The following SPAST variants were observed in gnomAD, a reference collection of about 807,000 sequenced individuals.
SPAST encodes the protein spastic paraplegia 4 (autosomal dominant; spastin).
SPAST carries 30 observed loss-of-function variants against 76.6 expected under a neutral mutation model. That is an observed-to-expected ratio of 0.39 (90% CI 0.29 to 0.53). The LOEUF is 0.53. Among genes scored for constraint, SPAST ranks in the 20% least tolerant of loss-of-function variants. SPAST has a pLI of 0.68. For missense variants in SPAST, 717 were observed against 770.5 expected, an observed-to-expected ratio of 0.93 and a Z score of 0.82; for synonymous variants, 305 against 281.0, an observed-to-expected ratio of 1.09 and a Z score of -0.86.
intron 9 of SPAST, among the ~76,000 whole-genome samples, chr2:32,131,713 A>C (rs1573147808): frequency 8.9e-6 from 1 of 112,818 alleles, no homozygotes; most frequent in African/African-American, 3.5e-5. Flanking sequence ...CTTGCTCTGG[A>C]GTGCAGTGGC....
At chr2:32,132,763 C>A (rs988525472) in intron 9 of SPAST, among the ~76,000 whole-genome samples, 5 of 152,150 alleles carry the variant, frequency 3.3e-5, no homozygotes, top group Non-Finnish European at 7.4e-5. Flanking sequence ...GATCCCAGCA[C>A]TTTGGGAGGC....
chr2:32,154,438 C>T lies in SPAST; in HGVS notation c.1793C>T (p.Pro598Leu). ...AAAAAAATAAAACGCAGCGTCAGCC[C>T]TCAAACTTTAGAAGCGTACATACGT... ...SLKKIKRSVS[P>L]QTLEAYIRWN... The change falls in exon 17 of 17, where the codon CCT (proline) becomes CTT (leucine). Residue 598 changes from proline (P) to leucine (L), a missense_variant. Transcript: ENST00000315285. 6.2e-7 allele frequency: 1 copy of T among 1,613,228 alleles called. No homozygotes were observed. Among genetic ancestry groups the T allele is most frequent in the Non-Finnish European group, 8.5e-7 (1 of 1,179,266 alleles).
chr2:32,140,691 C>G (rs1679687411), intron 12 of SPAST, among the ~76,000 whole-genome samples: 1 of 151,838 alleles, frequency 6.6e-6, no homozygotes, highest in Admixed American at 6.6e-5. Flanking sequence ...TTTGGGAGGC[C>G]AGATCACTTG....
intron 3 of SPAST, 39 bp from the exon 4 acceptor site, chr2:32,098,752 CTTTTT>C: frequency 7.9e-7 from 1 of 1,264,892 alleles, no homozygotes; most frequent in Non-Finnish European, 1.2e-6. Flanking sequence ...TATCTTTTTT[CTTTTT>C]GTTTATTTTT....
At chr2:32,152,374 C>T (rs1253721070) in intron 16 of SPAST, among the ~76,000 whole-genome samples, 1 of 152,008 alleles carries the variant, frequency 6.6e-6, no homozygotes, top group Non-Finnish European at 1.5e-5. Flanking sequence ...TCGAGACCAG[C>T]CTGGATAACA....
chr2:32,126,742 C>G (rs1679207225), intron 7 of SPAST: 1 of 518,764 alleles, frequency 1.9e-6, no homozygotes, highest in Admixed American at 3.3e-5. Flanking sequence ...CTGTCTTTGC[C>G]CCCTAAAGTC....
chr2:32,099,417 T>G (rs1678037001), intron 4 of SPAST, among the ~76,000 whole-genome samples: 1 of 152,192 alleles, frequency 6.6e-6, no homozygotes, highest in South Asian at 2.1e-4. Context: ...CATAAACTTT[T>G]GGATATCAAC....
At position 32,143,191 on chromosome 2, in the gene SPAST, C is replaced by T. The variant is rs986104745; in HGVS notation, c.1537-145C>T. The T allele has an allele frequency of 5.4e-6, 3 of 559,056 alleles. No individual in the cohort carries two copies. The African/African-American group carries it at 5.7e-5, about 11-fold the overall frequency. The allele number at this position is 559,056 out of a possible 1,614,324, so 34.6% of individuals were successfully genotyped here. Reference sequence around the variant, plus strand: ...GCTGAGATGGGAGGATTGCTTGAACCCAGGATATCGAGGCTATAGTGAGCT... The same window carrying T: ...GCTGAGATGGGAGGATTGCTTGAACTCAGGATATCGAGGCTATAGTGAGCT... On this transcript the variant is annotated intron_variant, in intron 13 of 16. Transcript: ENST00000315285.
intron 9 of SPAST, among the ~76,000 whole-genome samples, chr2:32,134,216 T>TG (rs1019812283): frequency 2.0e-5 from 3 of 151,816 alleles, no homozygotes; most frequent in Admixed American, 2.0e-4. Context: ...TAAAAAATTC[T>TG]GGGGGGCCGA....
At chr2:32,100,631 C>T (rs894283892) in intron 4 of SPAST, among the ~76,000 whole-genome samples, 5 of 152,078 alleles carry the variant, frequency 3.3e-5, no homozygotes, top group African/African-American at 1.2e-4. Context: ...CCACGACAGG[C>T]CCCATTGTGT....
At chr2:32,103,201 G>A (rs150201908) in intron 4 of SPAST, among the ~76,000 whole-genome samples, 1,659 of 152,296 alleles carry the variant, frequency 0.011, 24 homozygotes, top group African/African-American at 0.038. Flanking sequence ...TTGGGAGGCT[G>A]TATGTGTCCA....
rs377749620 is a variant in SPAST, at chr2:32,114,741, C to T, written c.786C>T (p.Gly262=). 5 of 1,613,968 alleles carry T rather than the reference C, an allele frequency of 3.1e-6. No homozygotes were observed. The highest frequency in any genetic ancestry group is 3.4e-6 in the Non-Finnish European group (4 of 1,179,906). Residue 262 remains glycine (G), a synonymous_variant, in exon 5 of 17, where the codon GGC becomes GGT. Coordinates refer to ENST00000315285, the MANE Select transcript of SPAST (RefSeq NM_014946.4). ...AAACTGGATCTGCAGGCCTTTCAGG[C>T]CACCATAGAGCACCTAGTTACAGTG... ...VMKTGSAGLS[G]HHRAPSYSGL...
chr2:32,149,877 T>C (rs569169774), intron 16 of SPAST, among the ~76,000 whole-genome samples: 1 of 152,234 alleles, frequency 6.6e-6, no homozygotes, highest in African/African-American at 2.4e-5. Flanking sequence ...CAGCTGTATA[T>C]TTGTAACTTA....
chr2:32,123,184 C>T (rs557659698), intron 7 of SPAST, among the ~76,000 whole-genome samples: 392 of 152,140 alleles, frequency 2.6e-3, no homozygotes, highest in Admixed American at 4.8e-3. Context: ...ATCGCTTGAA[C>T]CCAGGAGGCA....
At position 32,079,427 on chromosome 2, in the gene SPAST, C is replaced by T. The variant is rs550478767; in HGVS notation, c.416-8065C>T. Among the ~76,000 whole-genome samples, 4 of 151,772 alleles carry T rather than the reference C, an allele frequency of 2.6e-5. No homozygotes were observed. The South Asian group carries it at 8.4e-4, about 32-fold the overall frequency. ...TCAAGAGGCTGAGGTGGGAGAATCGCTTAAGCCTAGGAGGCGGAGGTTGCA... is the reference window on the plus strand; with the variant it reads ...TCAAGAGGCTGAGGTGGGAGAATCGTTTAAGCCTAGGAGGCGGAGGTTGCA... On this transcript the variant is annotated intron_variant, in intron 1 of 16. Coordinates refer to ENST00000315285, the MANE Select transcript of SPAST (RefSeq NM_014946.4).
intron 16 of SPAST, among the ~76,000 whole-genome samples, chr2:32,148,610 C>T (rs1350119255): frequency 2.0e-5 from 3 of 152,050 alleles, no homozygotes; most frequent in Admixed American, 6.6e-5. Context: ...GAGATCGAGA[C>T]CATGCTGGCT....
chr2:32,150,079 T>A (rs1442071502), intron 16 of SPAST, among the ~76,000 whole-genome samples: 1 of 151,010 alleles, frequency 6.6e-6, no homozygotes, highest in Non-Finnish European at 1.5e-5. Flanking sequence ...TTCTTTTTTT[T>A]TTTTTGTGAG....
intron 9 of SPAST, among the ~76,000 whole-genome samples, chr2:32,131,406 A>G (rs1679365724): frequency 1.3e-5 from 2 of 152,194 alleles, no homozygotes; most frequent in African/African-American, 4.8e-5. Flanking sequence ...CACCTCCACT[A>G]GAAGATGGTC....
intron 1 of SPAST, among the ~76,000 whole-genome samples, chr2:32,067,800 C>A (rs1417136240): frequency 6.1e-5 from 9 of 146,550 alleles, no homozygotes; most frequent in Non-Finnish European, 7.5e-5. Context: ...GTTATGTTAG[C>A]CAGGCTGGAG....
Sources: gnomAD v4.1 joint callset for allele counts (sites outside exome capture counted in the v4.1 genomes callset) on GRCh38, gnomAD v4.1.1 for gene constraint, MANE v1.5 for transcripts, NCBI Gene and HGNC (gene_info 2026-07-23, HGNC 2026-07-21) for gene names.